VPS72: variants seen among roughly 807,000 people sequenced by gnomAD.
The protein encoded by VPS72 is vacuolar protein sorting-associated protein 72 homolog.
VPS72 carries 27 observed loss-of-function variants against 38.9 expected under a neutral mutation model. The ratio of observed to expected loss-of-function variants is 0.69; its 90% CI spans 0.51 to 0.96. The LOEUF (loss-of-function observed/expected upper bound fraction) is 0.96, where lower values mean the gene tolerates loss of function less well. Among genes scored for constraint, VPS72 ranks in the 40% least tolerant of loss-of-function variants. The pLI is 0.00. For synonymous variants in VPS72, 173 were observed against 186.3 expected (o/e 0.93, Z 0.58); for missense variants, 360 against 479.5 (o/e 0.75, Z 2.33).
chr1:151,183,321 G>A (rs587708311), intron 4 of VPS72, among the ~76,000 whole-genome samples: 8 of 140,572 alleles, frequency 5.7e-5, no homozygotes, highest in Non-Finnish European at 6.1e-5. Flanking sequence ...CTACTTGGGA[G>A]GCTGAGGCAA....
At chr1:151,177,405 AAAAG>A (rs1324548406) in intron 5 of VPS72, among the ~76,000 whole-genome samples, 9 of 149,728 alleles carry the variant, frequency 6.0e-5, no homozygotes, top group Non-Finnish European at 8.9e-5. Flanking sequence ...AAAAAAAAAG[AAAAG>A]AAAGAAAGAA....
chr1:151,183,725 G>C (rs894297705), intron 4 of VPS72, among the ~76,000 whole-genome samples: 1 of 152,092 alleles, frequency 6.6e-6, no homozygotes, highest in Non-Finnish European at 1.5e-5. Flanking sequence ...GCCTCCCAAA[G>C]TGCCGGGATT....
chr1:151,180,797 A>C (rs1684222973), intron 4 of VPS72, among the ~76,000 whole-genome samples: 1 of 152,132 alleles, frequency 6.6e-6, no homozygotes, highest in Non-Finnish European at 1.5e-5. Flanking sequence ...GTAATCTGCC[A>C]ACTCATCTAT....
chr1:151,185,798 C>T lies in VPS72; in HGVS notation c.270G>A (p.Lys90=). 6.2e-7 allele frequency: 1 copy of T among 1,614,088 alleles called. No homozygotes were observed. Among genetic ancestry groups the T allele is most frequent in the Non-Finnish European group, 8.5e-7 (1 of 1,179,994 alleles). Residue 90 remains lysine (K), a splice_region_variant and synonymous_variant, in exon 2 of 6, where the codon AAG becomes AAA. Coordinates refer to ENST00000368892, the MANE Select transcript of VPS72 (RefSeq NM_005997.3). ...RKRRVVTKAY[K]EPLKSLRPRK... is the part of the protein sequence containing the mutation. ...AAGACAACTAGGACTCCCCCTGTAC[C>T]TTATAGGCCTTGGTGACTACTCGGC...
At chr1:151,183,747 C>A (rs1684288881) in intron 4 of VPS72, among the ~76,000 whole-genome samples, 1 of 152,120 alleles carries the variant, frequency 6.6e-6, no homozygotes, top group African/African-American at 2.4e-5. Context: ...CAGGTATGAG[C>A]CACTGCGCTT....
intron 3 of VPS72, 45 bp from the exon 4 acceptor site, chr1:151,184,538 C>A (rs1684307297): frequency 3.4e-6 from 5 of 1,473,188 alleles, no homozygotes; most frequent in East Asian, 2.4e-5. Flanking sequence ...TTCATGTCCA[C>A]ATATTTTATT....
At chr1:151,185,679 A>G in intron 2 of VPS72, 59 bp from the exon 3 acceptor site, 1 of 1,609,198 alleles carries the variant, frequency 6.2e-7, no homozygotes, top group Non-Finnish European at 8.5e-7. Flanking sequence ...AAATATGAGG[A>G]TCTCAATGAG....
intron 1 of VPS72, among the ~76,000 whole-genome samples, chr1:151,188,613 A>G (rs994256289): frequency 6.6e-6 from 1 of 152,190 alleles, no homozygotes; most frequent in African/African-American, 2.4e-5. Context: ...GTAGACTTGC[A>G]GGTCCTAGAC....
intron 4 of VPS72, 129 bp downstream of exon 4, chr1:151,184,188 C>T (rs1047692074): frequency 1.7e-5 from 22 of 1,266,758 alleles, no homozygotes; most frequent in East Asian, 2.3e-5. Flanking sequence ...ACCTACTCTC[C>T]GCCATTTCTT....
rs992018608 is a variant in VPS72 at position 151,188,258 on chromosome 1, G to A, written c.117+1747C>T. Among the ~76,000 whole-genome samples the A allele has an allele frequency of 6.6e-5, 10 of 151,924 alleles. No homozygotes were observed. The East Asian group carries it at 1.4e-3, about 21-fold the overall frequency. On this transcript the variant is annotated intron_variant, in intron 1 of 5. Coordinates refer to ENST00000368892, the MANE Select transcript of VPS72 (RefSeq NM_005997.3). Reference sequence around the variant, plus strand: ...TCACCATGTTGGTCAGGCTGGTCTCGAACTCCTGACCTCGTGATCCACCCG... The same window carrying A: ...TCACCATGTTGGTCAGGCTGGTCTCAAACTCCTGACCTCGTGATCCACCCG...
At chr1:151,177,647 A>G (rs755801267) in intron 5 of VPS72, among the ~76,000 whole-genome samples, 9 of 152,084 alleles carry the variant, frequency 5.9e-5, no homozygotes, top group Non-Finnish European at 1.2e-4. Context: ...CGGGACGATT[A>G]CTTTAACCCA....
chr1:151,185,735 G>A, intron 2 of VPS72, 63 bp downstream of exon 2: 2 of 1,611,206 alleles, frequency 1.2e-6, no homozygotes, highest in East Asian at 2.2e-5. Flanking sequence ...GGGAGTACTG[G>A]GACCTGATGA....
intron 1 of VPS72, among the ~76,000 whole-genome samples, chr1:151,186,564 GAA>G (rs111448120): frequency 5.8e-5 from 5 of 86,946 alleles, no homozygotes; most frequent in Middle Eastern, 6.2e-3. Context: ...GTCTCAAAAA[GAA>G]AAAAAAAAAA....
chr1:151,182,427 T>C (rs926315566), intron 4 of VPS72, among the ~76,000 whole-genome samples: 1 of 152,208 alleles, frequency 6.6e-6, no homozygotes, highest in Non-Finnish European at 1.5e-5. Context: ...ACCTACACTA[T>C]TAATAACCGT....
rs754317964 is a variant in VPS72, at chr1:151,189,924, CTCT to C, written c.117+78_117+80del. The C allele has an allele frequency of 5.2e-5, 79 of 1,512,944 alleles. 1 individual carries two copies. Among genetic ancestry groups the C allele is most frequent in the Admixed American group, 2.6e-4 (15 of 58,048 alleles). The allele number at this position is 1,512,944 out of a possible 1,614,324, so 93.7% of individuals were successfully genotyped here. A position where few individuals can be genotyped will look rare whatever the true frequency, so the allele number is the denominator to read the frequency against. On this transcript the variant is annotated intron_variant, in intron 1 of 5. Coordinates refer to ENST00000368892, the MANE Select transcript of VPS72 (RefSeq NM_005997.3). ...CCAGAGCTCCTCTCTATTCCCCGCC[CTCT>C]TCTTCTTTGTCCGGGGTTTCTCCCT...
rs867956981 is a variant in VPS72, at chr1:151,184,305, C to A, written c.562+12G>T. The A allele has an allele frequency of 2.5e-6, 4 of 1,612,602 alleles. No homozygotes were observed. Among genetic ancestry groups the A allele is most frequent in the African/African-American group, 2.7e-5 (2 of 75,030 alleles). On this transcript the variant is annotated intron_variant, in intron 4 of 5. Transcript: ENST00000368892. ...GCCCCTCTACTCACTTTTTCTGAAACCACAGACTTACCCAGTGACCGTAAA... is the reference window on the plus strand; with the variant it reads ...GCCCCTCTACTCACTTTTTCTGAAAACACAGACTTACCCAGTGACCGTAAA...
chr1:151,186,164 A>T (rs889220867), intron 1 of VPS72, among the ~76,000 whole-genome samples: 26 of 152,174 alleles, frequency 1.7e-4, no homozygotes, highest in Admixed American at 1.3e-3. Context: ...TTTACCTGCA[A>T]CACACTGTTA....
chr1:151,177,443 A>G (rs955043763), intron 5 of VPS72, among the ~76,000 whole-genome samples: 1 of 151,710 alleles, frequency 6.6e-6, no homozygotes, highest in African/African-American at 2.4e-5. Flanking sequence ...ATGAGGAAAG[A>G]GAAAAAGGAG....
chr1:151,184,414 T>G lies in VPS72; in HGVS notation c.465A>C (p.Ser155=). The G allele has an allele frequency of 1.9e-6, 3 of 1,614,120 alleles. No homozygotes were observed. Among genetic ancestry groups the G allele is most frequent in the Non-Finnish European group, 2.5e-6 (3 of 1,180,038 alleles). Residue 155 remains serine, a synonymous_variant, in exon 4 of 6, where the codon TCA becomes TCC. Coordinates refer to ENST00000368892, the MANE Select transcript of VPS72 (RefSeq NM_005997.3). The part of the protein sequence containing the change: ...FLRVQERQGQ[S]RRRKGPHCER... ...CACAGTGGGGCCCCTTTCGCCGTCT[T>G]GACTGGCCCTGCCTCTCCTGTACCC... is the stretch of plus-strand genomic sequence containing the variant.
Sources: allele counts gnomAD v4.1 joint callset (sites outside exome capture counted in the v4.1 genomes callset), GRCh38; gene constraint gnomAD v4.1.1; transcripts MANE v1.5; gene names NCBI Gene and HGNC (gene_info 2026-07-23, HGNC 2026-07-21).